OGDH: variants seen among roughly 807,000 people sequenced by gnomAD.
OGDH encodes the protein 2-oxoglutarate dehydrogenase complex component E1.
In OGDH, 38 loss-of-function variants were observed where a neutral mutation model predicts 116.6. The ratio of observed to expected loss-of-function variants is 0.33; its 90% confidence interval spans 0.25 to 0.43. OGDH has a LOEUF of 0.43. Among genes scored for constraint, OGDH ranks in the 20% least tolerant of loss-of-function variants. The pLI is 1.00. For missense variants in OGDH, 825 were observed against 1,357.2 expected, an observed-to-expected ratio of 0.61 and a Z score of 6.16; for synonymous variants, 488 against 533.3, an observed-to-expected ratio of 0.92 and a Z score of 1.17.
intron 1 of OGDH, among the ~76,000 whole-genome samples, chr7:44,616,415 T>A (rs1052225655): frequency 6.6e-6 from 1 of 152,006 alleles, no homozygotes; most frequent in Non-Finnish European, 1.5e-5. Context: ...CAGGGAGGTG[T>A]CAGTCCCTAC....
chr7:44,647,498 T>G, intron 3 of OGDH, 159 bp from the exon 4 acceptor site: 1 of 1,540,768 alleles, frequency 6.5e-7, no homozygotes, highest in African/African-American at 1.4e-5. Flanking sequence ...TTGTGTAAAT[T>G]TTGATGATGC....
intron 2 of OGDH, among the ~76,000 whole-genome samples, chr7:44,630,311 G>A (rs1414428330): frequency 6.6e-6 from 1 of 152,208 alleles, no homozygotes; most frequent in Non-Finnish European, 1.5e-5. Flanking sequence ...CGGTGAAGGG[G>A]CTTCCCACAG....
intron 12 of OGDH, 60 bp from the exon 13 acceptor site, chr7:44,695,965 T>C: frequency 1.1e-6 from 1 of 896,582 alleles, no homozygotes; most frequent in Non-Finnish European, 1.9e-6. Context: ...GGGGTACAGG[T>C]GGGCGTGTGC....
At chr7:44,621,262 T>C (rs1006575237) in intron 1 of OGDH, among the ~76,000 whole-genome samples, 1 of 152,100 alleles carries the variant, frequency 6.6e-6, no homozygotes, top group South Asian at 2.1e-4. Flanking sequence ...TTTGTGGAGA[T>C]GTGGTTTCAC....
At chr7:44,656,423 G>A (rs1469707231) in intron 4 of OGDH, 1 of 1,457,036 alleles carries the variant, frequency 6.9e-7, no homozygotes, top group Non-Finnish European at 9.3e-7. Context: ...AATAGGATGT[G>A]CAACTTTTCC....
At chr7:44,616,785 A>G (rs1284948428) in intron 1 of OGDH, among the ~76,000 whole-genome samples, 2 of 64,008 alleles carry the variant, frequency 3.1e-5, no homozygotes, top group South Asian at 5.5e-4. Context: ...GTGTATATGC[A>G]TATATATATG....
At chr7:44,698,128 A>G (rs766347096) in intron 17 of OGDH, 64 bp from the exon 18 acceptor site, 3 of 1,564,514 alleles carry the variant, frequency 1.9e-6, no homozygotes, top group East Asian at 2.2e-5. Context: ...GAGGAGGAAC[A>G]GCAGATGCGG....
intron 10 of OGDH, among the ~76,000 whole-genome samples, chr7:44,685,989 A>G (rs998776292): frequency 6.6e-6 from 1 of 151,150 alleles, no homozygotes; most frequent in East Asian, 1.9e-4. Context: ...ACATCATATG[A>G]TAGTTCTATT....
chr7:44,641,835 T>A (rs548692873), intron 2 of OGDH, among the ~76,000 whole-genome samples: 41 of 152,320 alleles, frequency 2.7e-4, no homozygotes, highest in African/African-American at 9.4e-4. Context: ...GTGTCCAGTG[T>A]ATTTGTGCAC....
intron 1 of OGDH, among the ~76,000 whole-genome samples, chr7:44,610,782 T>G (rs1350331880): frequency 6.6e-6 from 1 of 152,040 alleles, no homozygotes; most frequent in African/African-American, 2.4e-5. Context: ...AATTCTTTTG[T>G]ATTTTTAGTA....
chr7:44,699,882 G>C (rs762596471), intron 18 of OGDH, among the ~76,000 whole-genome samples: 9 of 152,192 alleles, frequency 5.9e-5, no homozygotes, highest in Admixed American at 5.9e-4. Flanking sequence ...GTAAGAGAGT[G>C]GGGGAGAGGG....
intron 2 of OGDH, among the ~76,000 whole-genome samples, chr7:44,630,696 A>T (rs202007796): frequency 2.6e-5 from 4 of 152,102 alleles, no homozygotes; most frequent in African/African-American, 9.7e-5. Flanking sequence ...TCATCTCTAG[A>T]TTACTTGTAA....
intron 2 of OGDH, 135 bp from the exon 3 acceptor site, chr7:44,645,192 A>G (rs1224542175): frequency 5.4e-6 from 4 of 736,420 alleles, no homozygotes; most frequent in Non-Finnish European, 9.0e-6. Flanking sequence ...CAGAGACCCC[A>G]CTGTCCAGGA....
At chr7:44,638,274 G>A (rs533297827) in intron 2 of OGDH, among the ~76,000 whole-genome samples, 1 of 152,108 alleles carries the variant, frequency 6.6e-6, no homozygotes, top group Non-Finnish European at 1.5e-5. Context: ...ACCCACGTAC[G>A]TCATTGTGAC....
chr7:44,642,433 AAAAG>A (rs998826560), intron 2 of OGDH, among the ~76,000 whole-genome samples: 175 of 152,082 alleles, frequency 1.2e-3, no homozygotes, highest in African/African-American at 4.2e-3. Flanking sequence ...CAAAAAATAA[AAAAG>A]AAAGAAAAGG....
intron 4 of OGDH, among the ~76,000 whole-genome samples, chr7:44,660,888 A>G (rs1786906773): frequency 6.6e-6 from 1 of 152,028 alleles, no homozygotes; most frequent in African/African-American, 2.4e-5. Flanking sequence ...TGATTGCACC[A>G]CTATACTCTG....
Position 44,624,407 on chromosome 7 carries a change from A to C in OGDH, c.64A>C (p.Thr22Pro). 6.2e-7 allele frequency: 1 copy of C among 1,610,928 alleles called. No individual in the cohort carries two copies. Among genetic ancestry groups the C allele is most frequent in the Non-Finnish European group, 8.5e-7 (1 of 1,179,622 alleles). Residue 22 changes from threonine to proline, a missense_variant, in exon 2 of 23, where the codon ACA (threonine) becomes CCA (proline). Coordinates refer to ENST00000222673, the MANE Select transcript of OGDH (RefSeq NM_002541.4). ...RPLTASQTVK[T>P]FSQNRPAAAR... is the part of the protein sequence containing the mutation. ...ATTGACGGCTTCCCAGACTGTTAAG[A>C]CATTTTCACAAAACAGACCAGCAGC...
chr7:44,699,928 TCA>T (rs1788754505), intron 18 of OGDH, among the ~76,000 whole-genome samples: 2 of 152,102 alleles, frequency 1.3e-5, no homozygotes, highest in Admixed American at 6.6e-5. Context: ...TCGTGTGAAC[TCA>T]GAGTGAGAGC....
At chr7:44,639,818 T>C (rs1258158583) in intron 2 of OGDH, among the ~76,000 whole-genome samples, 1 of 152,180 alleles carries the variant, frequency 6.6e-6, no homozygotes, top group African/African-American at 2.4e-5. Flanking sequence ...TGGTGTAAGA[T>C]GAATAAGGGA....
Sources: gnomAD v4.1 joint callset for allele counts (sites outside exome capture counted in the v4.1 genomes callset) on GRCh38, gnomAD v4.1.1 for gene constraint, MANE v1.5 for transcripts, NCBI Gene and HGNC (gene_info 2026-07-23, HGNC 2026-07-21) for gene names.